GLDC: variants seen among roughly 807,000 people sequenced by gnomAD.
GLDC encodes the protein glycine dehydrogenase (decarboxylating), mitochondrial.
A neutral mutation model predicts 121.3 loss-of-function variants in GLDC; 104 were observed. That is an observed-to-expected ratio of 0.86 (90% CI 0.73 to 1.01). The LOEUF (loss-of-function observed/expected upper bound fraction) is 1.01. GLDC is among the 50% of genes least tolerant of loss of function. The probability of loss-of-function intolerance (pLI) is 0.00; values close to 1 mark genes in which losing one functional copy is unlikely to be tolerated. For missense variants in GLDC, 1,429 were observed against 1,306.6 expected, an observed-to-expected ratio of 1.09 and a Z score of -1.44; for synonymous variants, 546 against 480.6, an observed-to-expected ratio of 1.14 and a Z score of -1.78.
chr9:6,606,764 T>C (rs1024735919), intron 4 of GLDC, 95 bp from the exon 5 acceptor site: 10 of 817,142 alleles, frequency 1.2e-5, no homozygotes, highest in Admixed American at 3.4e-5. Context: ...AGGGTAAGTC[T>C]AAGCACAGTA....
intron 2 of GLDC, among the ~76,000 whole-genome samples, chr9:6,637,328 C>A (rs891342322): frequency 4.4e-4 from 67 of 151,938 alleles, no homozygotes; most frequent in African/African-American, 1.5e-3. Context: ...TCATTTGAAC[C>A]CCGGAGGCAG....
chr9:6,630,255 C>T (rs754344343), intron 2 of GLDC, among the ~76,000 whole-genome samples: 20 of 151,622 alleles, frequency 1.3e-4, no homozygotes, highest in Non-Finnish European at 1.9e-4. Flanking sequence ...GGTGACAAAG[C>T]GAGACTCTGT....
At chr9:6,619,973 G>A (rs1819050419) in intron 3 of GLDC, among the ~76,000 whole-genome samples, 1 of 152,178 alleles carries the variant, frequency 6.6e-6, no homozygotes, top group African/African-American at 2.4e-5. Context: ...GATTTTATGG[G>A]ACTGGAAGTG....
intron 3 of GLDC, among the ~76,000 whole-genome samples, chr9:6,615,599 C>G (rs985368034): frequency 6.6e-6 from 1 of 150,520 alleles, no homozygotes; most frequent in Non-Finnish European, 1.5e-5. Flanking sequence ...AAAAAAAAGA[C>G]CTAGTATATA....
At chr9:6,621,875 A>G (rs117052285) in intron 2 of GLDC, among the ~76,000 whole-genome samples, 1,558 of 152,282 alleles carry the variant, frequency 0.01, 9 homozygotes, top group South Asian at 0.032. Flanking sequence ...ACCTCTCTGC[A>G]TAGAGATAGA....
intron 3 of GLDC, among the ~76,000 whole-genome samples, chr9:6,612,888 G>A (rs979200365): frequency 4.6e-5 from 7 of 151,694 alleles, no homozygotes; most frequent in African/African-American, 1.5e-4. Flanking sequence ...CCATGAGGCT[G>A]GAGGATAGTT....
chr9:6,544,164 G>A (rs1817335067), intron 21 of GLDC, among the ~76,000 whole-genome samples: 1 of 152,194 alleles, frequency 6.6e-6, no homozygotes, highest in African/African-American at 2.4e-5. Flanking sequence ...CCTTTTAGCT[G>A]AAATCCACAG....
chr9:6,540,875 G>A (rs1295200806), intron 21 of GLDC: 1 of 152,382 alleles, frequency 6.6e-6, no homozygotes, highest in African/African-American at 2.4e-5. Flanking sequence ...TGGATTTTCA[G>A]GCCAGGCACA....
chr9:6,588,462 A>C lies in GLDC; in HGVS notation c.1666-20T>G, dbSNP rs912148549. 1.2e-6 allele frequency: 2 copies of C among 1,601,258 alleles called. No individual in the cohort carries two copies. Among genetic ancestry groups the C allele is most frequent in the East Asian group, 2.2e-5 (1 of 44,824 alleles). ...GGATCCCTTTAAGAAGAACATCCAA[A>C]ATGTATCACATTAGTGATTTTCTAT... is the stretch of plus-strand genomic sequence containing the variant. On this transcript the variant is annotated intron_variant, in intron 13 of 24. Transcript: ENST00000321612.
At chr9:6,534,110 G>A (rs1367582573) in intron 24 of GLDC, 1 of 151,144 alleles carries the variant, frequency 6.6e-6, no homozygotes, top group African/African-American at 2.5e-5. Context: ...GGGAGGCTGA[G>A]GTAGGAGAAT....
chr9:6,550,299 C>A (rs1231072564), intron 21 of GLDC, among the ~76,000 whole-genome samples: 2 of 152,152 alleles, frequency 1.3e-5, no homozygotes, highest in African/African-American at 4.8e-5. Context: ...CTAGGAGAAA[C>A]CTGCATATAG....
intron 3 of GLDC, 65 bp downstream of exon 3, chr9:6,620,119 G>A (rs1587972568): frequency 2.0e-6 from 3 of 1,517,112 alleles, no homozygotes; most frequent in Non-Finnish European, 2.7e-6. Flanking sequence ...CAAGGGGACA[G>A]ATGGAGGATG....
chr9:6,568,070 C>G lies in GLDC; in HGVS notation c.1851-2641G>C, dbSNP rs538443388. 5.9e-5 allele frequency among the ~76,000 whole-genome samples: 9 copies of G among 152,268 alleles called. No individual in the cohort carries two copies. In the South Asian group the frequency reaches 1.7e-3, roughly 28 times the overall value. Reference sequence around the variant, plus strand: ...TTTCTCATGAATTCTATTCATCTGACTTTCTTGAAAGGCCAATCAAGGTGT... The same window carrying G: ...TTTCTCATGAATTCTATTCATCTGAGTTTCTTGAAAGGCCAATCAAGGTGT... On this transcript the variant is annotated intron_variant, in intron 15 of 24. Coordinates refer to ENST00000321612, the MANE Select transcript of GLDC (RefSeq NM_000170.3).
intron 15 of GLDC, among the ~76,000 whole-genome samples, chr9:6,573,216 T>TGAGGCAGGTG (rs1351043894): frequency 1.3e-5 from 2 of 152,134 alleles, no homozygotes; most frequent in Admixed American, 1.3e-4. Flanking sequence ...TTTGGGAGGC[T>TGAGGCAGGTG]GAGGCAGGTG....
intron 15 of GLDC, among the ~76,000 whole-genome samples, chr9:6,585,856 G>GTATCTATCTATC (rs1318391801): frequency 6.1e-5 from 6 of 97,780 alleles, no homozygotes; most frequent in African/African-American, 1.7e-4. Context: ...ATGTATGTAT[G>GTATCTATCTATC]TATGTATGTA....
At chr9:6,556,110 A>C in intron 18 of GLDC, 43 bp downstream of exon 18, 1 of 1,558,254 alleles carries the variant, frequency 6.4e-7, no homozygotes. Context: ...CCACATATCC[A>C]TTTTCTCAGT....
At chr9:6,544,996 G>C (rs1207969996) in intron 21 of GLDC, among the ~76,000 whole-genome samples, 1 of 152,058 alleles carries the variant, frequency 6.6e-6, no homozygotes. Context: ...CTACTCAGGA[G>C]GCTGAGGTGG....
At chr9:6,573,466 A>G (rs1818004017) in intron 15 of GLDC, among the ~76,000 whole-genome samples, 1 of 152,082 alleles carries the variant, frequency 6.6e-6, no homozygotes, top group African/African-American at 2.4e-5. Flanking sequence ...ATCTTAAAAA[A>G]TAAATAAATA....
intron 17 of GLDC, among the ~76,000 whole-genome samples, chr9:6,557,481 C>T (rs1474430549): frequency 6.6e-6 from 1 of 152,114 alleles, no homozygotes; most frequent in Admixed American, 6.6e-5. Context: ...GTAGTCCCAG[C>T]TAATCAGGAG....
Sources: gnomAD v4.1 joint callset for allele counts (sites outside exome capture counted in the v4.1 genomes callset) on GRCh38, gnomAD v4.1.1 for gene constraint, MANE v1.5 for transcripts, NCBI Gene and HGNC (gene_info 2026-07-23, HGNC 2026-07-21) for gene names.